DRC8: variants seen among roughly 807,000 people sequenced by gnomAD.
DRC8 encodes the protein dynein regulatory complex protein 8.
At chr1:244,973,537 T>C in the DRC8 span, among the ~76,000 whole-genome samples, 1 of 152,224 alleles carries the variant, frequency 6.6e-6, no homozygotes, top group East Asian at 1.9e-4. Flanking sequence ...ACTTATTCTA[T>C]ACCTAAAAGT....
chr1:245,041,504 AG>A, the DRC8 span, among the ~76,000 whole-genome samples: 3 of 152,320 alleles, frequency 2.0e-5, no homozygotes, highest in Middle Eastern at 3.4e-3. Context: ...GCAGTGGTGC[AG>A]GCAAGAGGGA....
the DRC8 span, among the ~76,000 whole-genome samples, chr1:245,047,421 G>T: frequency 6.6e-6 from 1 of 152,072 alleles, no homozygotes; most frequent in Non-Finnish European, 1.5e-5. Flanking sequence ...GATCACTTGA[G>T]GCCAAGAGTT....
the DRC8 span, among the ~76,000 whole-genome samples, chr1:244,973,230 TATA>T: frequency 3.6e-3 from 100 of 28,012 alleles, 1 homozygote; most frequent in African/African-American, 6.2e-3. Context: ...AATATACTAA[TATA>T]ATAATATACT....
chr1:245,003,910 T>C, the DRC8 span, among the ~76,000 whole-genome samples: 6 of 152,196 alleles, frequency 3.9e-5, no homozygotes, highest in African/African-American at 1.4e-4. Flanking sequence ...TTTGTTTTGT[T>C]TTTAGAGGCA....
chr1:244,970,835 G>A, the DRC8 span: 25 of 309,058 alleles, frequency 8.1e-5, no homozygotes, highest in African/African-American at 5.2e-4. Flanking sequence ...TGCGCCGGAG[G>A]CGCCGGCAGG....
the DRC8 span, among the ~76,000 whole-genome samples, chr1:245,017,531 A>T: frequency 6.8e-6 from 1 of 147,306 alleles, no homozygotes; most frequent in African/African-American, 2.5e-5. Context: ...GGTAGAAACA[A>T]TATACTGTAT....
chr1:245,035,124 A>T, the DRC8 span, among the ~76,000 whole-genome samples: 11 of 152,060 alleles, frequency 7.2e-5, no homozygotes, highest in Non-Finnish European at 1.6e-4. Context: ...TATTGTTATG[A>T]TTGCAATACT....
the DRC8 span, among the ~76,000 whole-genome samples, chr1:245,101,506 G>A: frequency 6.6e-6 from 1 of 152,104 alleles, no homozygotes; most frequent in African/African-American, 2.4e-5. Context: ...TATTGTTGAT[G>A]AACACTAGGT....
chr1:245,094,305 G>A, the DRC8 span, among the ~76,000 whole-genome samples: 1 of 152,234 alleles, frequency 6.6e-6, no homozygotes, highest in Admixed American at 6.5e-5. Context: ...TAGGTGTTGG[G>A]ATATCTTCAA....
chr1:245,099,629 GC>G, the DRC8 span, among the ~76,000 whole-genome samples: 2 of 152,218 alleles, frequency 1.3e-5, no homozygotes. Flanking sequence ...TATTAATTCT[GC>G]CCCGTTTGCA....
At chr1:245,109,136 G>C in the DRC8 span, among the ~76,000 whole-genome samples, 11 of 152,180 alleles carry the variant, frequency 7.2e-5, no homozygotes, top group Admixed American at 6.5e-4. Flanking sequence ...TAGAATACAT[G>C]CCTCAGAGAT....
chr1:244,970,405 G>A, the DRC8 span: 7 of 1,539,204 alleles, frequency 4.5e-6, no homozygotes, highest in East Asian at 1.7e-4. Flanking sequence ...CCAGGCGACC[G>A]GCTCCGCAGC....
At chr1:245,101,825 C>A in the DRC8 span, among the ~76,000 whole-genome samples, 1 of 152,000 alleles carries the variant, frequency 6.6e-6, no homozygotes, top group Non-Finnish European at 1.5e-5. Context: ...CGTCATTATT[C>A]TTATTGATGT....
chr1:245,035,973 G>T, the DRC8 span, among the ~76,000 whole-genome samples: 1 of 152,100 alleles, frequency 6.6e-6, no homozygotes, highest in African/African-American at 2.4e-5. Context: ...TGTGACTTTG[G>T]ATTAGGCAGT....
chr1:245,024,026 C>T, the DRC8 span, among the ~76,000 whole-genome samples: 1 of 152,042 alleles, frequency 6.6e-6, no homozygotes, highest in Admixed American at 6.6e-5. Flanking sequence ...AAAAATTAGC[C>T]ATGCATGATG....
chr1:245,095,402 C>A, the DRC8 span, among the ~76,000 whole-genome samples: 1 of 152,176 alleles, frequency 6.6e-6, no homozygotes, highest in African/African-American at 2.4e-5. Flanking sequence ...AGGATCAGAC[C>A]ATATATGCTA....
the DRC8 span, among the ~76,000 whole-genome samples, chr1:245,005,640 G>A: frequency 1.8e-4 from 28 of 152,244 alleles, no homozygotes; most frequent in Non-Finnish European, 2.9e-4. Flanking sequence ...ACTGGCACCC[G>A]GCCTTATTGA....
At chr1:244,975,630 AG>A in the DRC8 span, among the ~76,000 whole-genome samples, 1 of 152,206 alleles carries the variant, frequency 6.6e-6, no homozygotes, top group Non-Finnish European at 1.5e-5. Flanking sequence ...AGGCCCAGGC[AG>A]GTGGATCACT....
the DRC8 span, among the ~76,000 whole-genome samples, chr1:245,098,621 T>C: frequency 1.3e-5 from 2 of 152,280 alleles, no homozygotes; most frequent in South Asian, 2.1e-4. Flanking sequence ...AAAATTCTAG[T>C]GTATTTTGTG....
Sources: gnomAD v4.1 joint callset for allele counts (sites outside exome capture counted in the v4.1 genomes callset) on GRCh38, gnomAD v4.1.1 for gene constraint, MANE v1.5 for transcripts, NCBI Gene and HGNC (gene_info 2026-07-23, HGNC 2026-07-21) for gene names.